POC1B: variants seen among roughly 807,000 people sequenced by gnomAD.
POC1B encodes POC1 centriolar protein homolog B.
Under a neutral mutation model 60.6 loss-of-function variants are expected in POC1B, and 44 were observed. The ratio of observed to expected loss-of-function variants is 0.73; its 90% CI spans 0.57 to 0.93. The LOEUF (loss-of-function observed/expected upper bound fraction) is 0.93, where lower values mean the gene tolerates loss of function less well. Among genes scored for constraint, POC1B ranks in the 40% least tolerant of loss-of-function variants. The pLI is 0.00. For missense variants in POC1B, 555 were observed against 572.3 expected, an observed-to-expected ratio of 0.97 and a Z score of 0.31; for synonymous variants, 180 against 198.9, an observed-to-expected ratio of 0.90 and a Z score of 0.80.
chr12:89,429,887 A>G (rs1662465723), intron 10 of POC1B, among the ~76,000 whole-genome samples: 2 of 152,386 alleles, frequency 1.3e-5, no homozygotes, highest in Non-Finnish European at 2.9e-5. Flanking sequence ...TGTGTGATAC[A>G]GTGAAGCAAT....
intron 4 of POC1B, among the ~76,000 whole-genome samples, chr12:89,488,996 GCCT>G (rs1868796893): frequency 2.0e-5 from 3 of 152,174 alleles, no homozygotes; most frequent in African/African-American, 7.2e-5. Context: ...TCTGCTCTCT[GCCT>G]CCTCTTCTTA....
chr12:89,497,278 T>A lies in POC1B; in HGVS notation c.165A>T (p.Arg55Ser). Residue 55 changes from arginine to serine, a missense_variant, in exon 3 of 12, where the codon AGA becomes AGT. By Grantham distance (110) the Arg-to-Ser change is moderately radical. Coordinates refer to ENST00000313546, the MANE Select transcript of POC1B (RefSeq NM_172240.3). ...WNFKPHARAY[R>S]YVGHKDVVTS... ...TTACAACATCCTTGTGACCCACATA[T>A]CTGTAAGCTCTAGCATGTGGCTTGA... The A allele has an allele frequency of 6.2e-7, 1 of 1,613,256 alleles. No homozygotes were observed. The highest frequency in any genetic ancestry group is 8.5e-7 in the Non-Finnish European group (1 of 1,179,960).
At chr12:89,418,823 G>A (rs1880416257), downstream of POC1B, among the ~76,000 whole-genome samples, 1 of 152,174 alleles carries the variant, frequency 6.6e-6, no homozygotes, top group Non-Finnish European at 1.5e-5. Flanking sequence ...TTCTTGTGCA[G>A]TGTGCAGAAC....
At position 89,425,244 on chromosome 12, in the gene POC1B, G is replaced by A; in HGVS notation, c.1249C>T (p.Pro417Ser). 1 of 1,614,122 alleles carries A rather than the reference G, an allele frequency of 6.2e-7. No homozygotes were observed. The highest frequency in any genetic ancestry group is 8.5e-7 in the Non-Finnish European group (1 of 1,180,010). Residue 417 changes from proline (P) to serine (S), a missense_variant, in exon 11 of 12, where the codon CCC (proline) becomes TCC (serine). Pro to Ser is a moderately conservative substitution (Grantham distance 74). Coordinates refer to ENST00000313546, the MANE Select transcript of POC1B (RefSeq NM_172240.3). ...GGTATGCTCCTTTGACTTTCACAGG[G>A]GAGGTCACTCATGTCTTCTGTTTTC... The part of the protein sequence containing the change: ...KKKTEDMSDL[P>S]CESQRSIPLA...
chr12:89,523,962 T>C (rs1290062573), intron 2 of POC1B: 5 of 1,613,740 alleles, frequency 3.1e-6, no homozygotes, highest in Admixed American at 1.7e-5. Context: ...TAATCAAGCG[T>C]ACTCTATCAA....
intron 2 of POC1B, chr12:89,502,656 T>G: frequency 7.5e-7 from 1 of 1,335,330 alleles, no homozygotes; most frequent in Non-Finnish European, 1.1e-6. Context: ...ACATATCAAT[T>G]TTTTGTTAAG....
At chr12:89,444,510 A>G (rs773083153) in intron 10 of POC1B, among the ~76,000 whole-genome samples, 1 of 152,104 alleles carries the variant, frequency 6.6e-6, no homozygotes, top group Non-Finnish European at 1.5e-5. Context: ...AAAACCACAC[A>G]ATTATCTCAA....
In POC1B at chr12:89,459,743, T is replaced by A. The variant is rs752064477; in HGVS notation, c.1033-25A>T. On this transcript the variant is annotated intron_variant, in intron 9 of 11. Transcript: ENST00000313546. ...TCTGTGTATATACATAAAAAAAAATTATGAGATTTTCATACCATAAGAAAC... is the reference window on the plus strand; with the variant it reads ...TCTGTGTATATACATAAAAAAAAATAATGAGATTTTCATACCATAAGAAAC... 5 of 1,319,054 alleles carry A rather than the reference T, an allele frequency of 3.8e-6. No individual in the cohort carries two copies. In the South Asian group the frequency reaches 7.0e-5, roughly 18 times the overall value. The allele number at this position is 1,319,054 out of a possible 1,614,324, so 81.7% of individuals were successfully genotyped here.
intron 2 of POC1B, chr12:89,521,853 G>C (rs531756284): frequency 2.5e-6 from 1 of 397,660 alleles, no homozygotes; most frequent in Admixed American, 4.4e-5. Flanking sequence ...AGAACTCGTA[G>C]GAGAGTTCCA....
intron 1 of POC1B, 109 bp downstream of exon 1, chr12:89,525,772 G>C (rs559364625): frequency 1.1e-5 from 15 of 1,367,834 alleles, no homozygotes; most frequent in South Asian, 3.5e-5. Flanking sequence ...CCCGGCTACG[G>C]ACACCTGCCT....
intron 2 of POC1B, chr12:89,520,744 A>C (rs1327635710): frequency 2.0e-5 from 3 of 152,346 alleles, no homozygotes; most frequent in South Asian, 4.1e-4. Context: ...CAAGTCATCA[A>C]GTGAACACTA....
At chr12:89,497,484 C>CAAA in intron 2 of POC1B, 142 bp from the exon 3 acceptor site, 2 of 766,716 alleles carry the variant, frequency 2.6e-6, no homozygotes, top group East Asian at 2.7e-5. Context: ...AGGTAATAGC[C>CAAA]AAATTACTTT....
At chr12:89,521,971 T>C in intron 2 of POC1B, 1 of 398,956 alleles carries the variant, frequency 2.5e-6, no homozygotes, top group Non-Finnish European at 4.4e-6. Context: ...TGATTAAGCA[T>C]TAACAAAGGG....
At chr12:89,473,666 GAAAAA>G (rs1163868772) in intron 4 of POC1B, among the ~76,000 whole-genome samples, 4 of 109,172 alleles carry the variant, frequency 3.7e-5, no homozygotes, top group African/African-American at 1.1e-4. Context: ...CCTCAGAAAA[GAAAAA>G]AAAAAAAAAA....
intron 10 of POC1B, among the ~76,000 whole-genome samples, chr12:89,429,798 A>C (rs1368724812): frequency 6.6e-6 from 1 of 152,174 alleles, no homozygotes; most frequent in African/African-American, 2.4e-5. Flanking sequence ...TGCAGAAAAA[A>C]CAAATGCTTT....
intron 3 of POC1B, among the ~76,000 whole-genome samples, chr12:89,493,104 A>G (rs138106793): frequency 6.6e-6 from 1 of 152,266 alleles, no homozygotes; most frequent in African/African-American, 2.4e-5. Context: ...TTGTACTCGG[A>G]ACAGTCACAG....
intron 10 of POC1B, among the ~76,000 whole-genome samples, chr12:89,437,546 G>T (rs1287176110): frequency 6.6e-6 from 1 of 152,058 alleles, no homozygotes; most frequent in Non-Finnish European, 1.5e-5. Flanking sequence ...TTGGGAAGCT[G>T]TATCTGTAAC....
At chr12:89,440,271 A>C (rs1436671058) in intron 10 of POC1B, among the ~76,000 whole-genome samples, 3 of 152,196 alleles carry the variant, frequency 2.0e-5, no homozygotes, top group Non-Finnish European at 4.4e-5. Flanking sequence ...GGGTCTGCAG[A>C]GATATGGACA....
intron 2 of POC1B, chr12:89,500,089 G>A: frequency 7.2e-7 from 1 of 1,397,414 alleles, no homozygotes; most frequent in Non-Finnish European, 1.0e-6. Flanking sequence ...AGCGGGGCCG[G>A]AACATGGCTG....
Sources: allele counts gnomAD v4.1 joint callset (sites outside exome capture counted in the v4.1 genomes callset), GRCh38; gene constraint gnomAD v4.1.1; transcripts MANE v1.5; gene names NCBI Gene and HGNC (gene_info 2026-07-23, HGNC 2026-07-21).